TERB2: variants seen among roughly 807,000 people sequenced by gnomAD.
TERB2 encodes telomere repeat binding bouquet formation protein 2.
Under a neutral mutation model 29.8 loss-of-function variants are expected in TERB2, and 26 were observed. The ratio of observed to expected loss-of-function variants is 0.87; its 90% CI spans 0.64 to 1.21. The LOEUF (loss-of-function observed/expected upper bound fraction) is 1.21, where lower values mean the gene tolerates loss of function less well. TERB2 is among the 50% of genes most tolerant of loss of function. The pLI is 0.00. For missense variants in TERB2, 240 were observed against 268.6 expected, an observed-to-expected ratio of 0.89 and a Z score of 0.74; for synonymous variants, 80 against 90.8, an observed-to-expected ratio of 0.88 and a Z score of 0.68.
At chr15:44,975,550 T>C (rs1472861957) in intron 6 of TERB2, among the ~76,000 whole-genome samples, 1 of 152,146 alleles carries the variant, frequency 6.6e-6, no homozygotes, top group Non-Finnish European at 1.5e-5. Flanking sequence ...AAAATACAAG[T>C]TGGGGCAATA....
intron 4 of TERB2, chr15:44,962,929 C>G: frequency 6.6e-6 from 1 of 151,468 alleles, no homozygotes; most frequent in Non-Finnish European, 1.5e-5. Context: ...GCATTCCATA[C>G]GTGTATATGA....
At chr15:44,973,745 C>A in intron 5 of TERB2, 122 bp from the exon 6 acceptor site, 1 of 704,064 alleles carries the variant, frequency 1.4e-6, no homozygotes, top group Non-Finnish European at 1.8e-6. Flanking sequence ...GTATAGTATA[C>A]TATAGTAAAG....
intron 4 of TERB2, among the ~76,000 whole-genome samples, chr15:44,964,414 G>C (rs934100461): frequency 2.0e-5 from 3 of 151,968 alleles, no homozygotes; most frequent in African/African-American, 7.2e-5. Context: ...ACTTTTCACA[G>C]TGTTTCCAGG....
chr15:44,965,205 A>G (rs1242254574), intron 4 of TERB2, among the ~76,000 whole-genome samples: 2 of 148,178 alleles, frequency 1.3e-5, no homozygotes, highest in Non-Finnish European at 3.0e-5. Flanking sequence ...GAAAAAAAAG[A>G]AACTTCTTAC....
At position 44,965,585 on chromosome 15, in the gene TERB2, T is replaced by TG. The variant is rs1248076205; in HGVS notation, c.349-573_349-572insG. On this transcript the variant is annotated intron_variant, in intron 4 of 6. Coordinates refer to ENST00000340827, the MANE Select transcript of TERB2 (RefSeq NM_152448.3). ...TATCTATATATTATATAAATCTATA[T>TG]ATCATATAGATTTATATATTTAATA... Among the ~76,000 whole-genome samples the TG allele has an allele frequency of 2.3e-3, 325 of 144,018 alleles. 1 individual carries two copies. The highest frequency in any genetic ancestry group is 3.7e-3 in the Admixed American group (52 of 13,918). The allele number at this position is 144,018 out of a possible 152,430, so 94.5% of individuals were successfully genotyped here.
intron 4 of TERB2, among the ~76,000 whole-genome samples, chr15:44,964,985 A>G (rs1891859879): frequency 6.6e-6 from 1 of 151,854 alleles, no homozygotes; most frequent in Non-Finnish European, 1.5e-5. Context: ...AACATGGCAA[A>G]ACCCCGTCTC....
intron 6 of TERB2, among the ~76,000 whole-genome samples, chr15:44,978,288 G>A (rs1433869989): frequency 1.3e-5 from 2 of 152,198 alleles, no homozygotes; most frequent in Non-Finnish European, 2.9e-5. Context: ...GTGGCAGAAA[G>A]TTGTGGGAGG....
Position 44,961,579 on chromosome 15 carries a change from GA to G in TERB2, c.347del (p.Lys116SerfsTer5). On this transcript the variant is annotated frameshift_variant, in exon 4 of 7. Transcript: ENST00000340827. LOFTEE classifies it high-confidence loss of function. ...IWEQDQHFLI[E>X]KHDEVTPNEI... ...GGAACAAGACCAACATTTTCTGATA[GA>G]AAAGGTAAGAGTAAATTAAGGTACT... 1.3e-6 allele frequency: 2 copies of G among 1,587,086 alleles called. No homozygotes were observed. Among genetic ancestry groups the G allele is most frequent in the Admixed American group, 1.8e-5 (1 of 56,620 alleles).
intron 5 of TERB2, among the ~76,000 whole-genome samples, 182 bp downstream of exon 5, chr15:44,966,425 C>T (rs1429863775): frequency 2.0e-5 from 3 of 151,990 alleles, no homozygotes; most frequent in East Asian, 1.9e-4. Flanking sequence ...CAAAGTCATA[C>T]AAACTTTATT....
intron 4 of TERB2, chr15:44,962,981 G>A (rs1296112670): frequency 6.6e-6 from 1 of 152,078 alleles, no homozygotes; most frequent in Non-Finnish European, 1.5e-5. Flanking sequence ...AGGACAGAAG[G>A]AAGAAAGGAA....
intron 5 of TERB2, chr15:44,971,135 A>G (rs1483641126): frequency 1.9e-5 from 3 of 154,606 alleles, no homozygotes; most frequent in Non-Finnish European, 2.9e-5. Context: ...AATTTAGCAT[A>G]CAGGTGTCAC....
intron 5 of TERB2, among the ~76,000 whole-genome samples, chr15:44,972,517 C>CTTTTTTTTTTTTTTTAT (rs5812285): frequency 7.5e-6 from 1 of 133,996 alleles, no homozygotes. Context: ...ATCCTTTTAG[C>CTTTTTTTTTTTTTTTAT]TTTTTTTTTT....
chr15:44,961,658 T>A, intron 4 of TERB2, 74 bp downstream of exon 4: 1 of 1,024,292 alleles, frequency 9.8e-7, no homozygotes, highest in Non-Finnish European at 1.5e-6. Context: ...ATCTTTAAAA[T>A]GTTTATTTGT....
chr15:44,976,703 C>T (rs1892052222), intron 6 of TERB2, among the ~76,000 whole-genome samples: 1 of 152,068 alleles, frequency 6.6e-6, no homozygotes, highest in African/African-American at 2.4e-5. Context: ...GGATTGTCCA[C>T]CAGGAGTGCC....
Position 44,958,154 on chromosome 15 carries a change from G to C in TERB2, c.147-219G>C, listed in dbSNP as rs552743933. ...GATCAAGTTTCCTAATTCATATGAT[G>C]ATTAACCAACCCTGTAAAGCTGAGA... On this transcript the variant is annotated intron_variant, in intron 2 of 6. Transcript: ENST00000340827. Among the ~76,000 whole-genome samples the C allele has an allele frequency of 1.6e-3, 236 of 152,160 alleles. 1 individual carries two copies. Among genetic ancestry groups the C allele is most frequent in the African/African-American group, 5.5e-3 (227 of 41,478 alleles).
chr15:44,964,238 T>C lies in TERB2; in HGVS notation c.349-1920T>C, dbSNP rs79664605. ...CACAGCCATATCATATAGAAAACCT[T>C]TACATTATGTCCAAAATCAGGCCAT... is the stretch of plus-strand genomic sequence containing the variant. On this transcript the variant is annotated intron_variant, in intron 4 of 6. Transcript: ENST00000340827. Among the ~76,000 whole-genome samples the C allele has an allele frequency of 4.9e-4, 75 of 152,288 alleles. 1 individual carries two copies. The East Asian group carries it at 0.013, about 26-fold the overall frequency.
intron 5 of TERB2, among the ~76,000 whole-genome samples, chr15:44,972,366 T>A (rs1891984682): frequency 6.6e-6 from 1 of 152,160 alleles, no homozygotes; most frequent in Non-Finnish European, 1.5e-5. Flanking sequence ...AATTTAAGGA[T>A]GACTCCAATT....
In TERB2 at chr15:44,961,861, G is replaced by A. The variant is rs758374102; in HGVS notation, c.348+277G>A. Among the ~76,000 whole-genome samples, 209 of 151,684 alleles carry A rather than the reference G, an allele frequency of 1.4e-3. 1 individual carries two copies. Among genetic ancestry groups the A allele is most frequent in the Non-Finnish European group, 8.8e-4 (60 of 67,846 alleles). ...ATTATGGGCGTGTGCCACCACGCCC[G>A]GCTAATTTTTTTATTTTTAGTAGAG... is the stretch of plus-strand genomic sequence containing the variant. On this transcript the variant is annotated intron_variant, in intron 4 of 6. Transcript: ENST00000340827.
intron 2 of TERB2, among the ~76,000 whole-genome samples, chr15:44,957,279 C>A (rs1891731721): frequency 1.3e-5 from 2 of 151,306 alleles, no homozygotes; most frequent in South Asian, 4.2e-4. Context: ...ATAATATTGA[C>A]GATAGGGTGA....
Sources: gnomAD v4.1 joint callset for allele counts (sites outside exome capture counted in the v4.1 genomes callset) on GRCh38, gnomAD v4.1.1 for gene constraint, MANE v1.5 for transcripts, NCBI Gene and HGNC (gene_info 2026-07-23, HGNC 2026-07-21) for gene names.